MAD1L1: variants seen among roughly 807,000 people sequenced by gnomAD.
MAD1L1 encodes the protein mitotic arrest deficient 1 like 1.
MAD1L1 carries 95 observed loss-of-function variants against 96.9 expected under a neutral mutation model. The ratio of observed to expected loss-of-function variants is 0.98; its 90% CI spans 0.83 to 1.16. The LOEUF (loss-of-function observed/expected upper bound fraction) is 1.16, where lower values mean the gene tolerates loss of function less well. MAD1L1 is among the 50% of genes most tolerant of loss of function. The probability of loss-of-function intolerance (pLI) is 0.00; values close to 1 mark genes in which losing one functional copy is unlikely to be tolerated. For synonymous variants in MAD1L1, 473 were observed against 396.6 expected, an observed-to-expected ratio of 1.19 and a Z score of -2.29; for missense variants, 1,007 against 954.4, an observed-to-expected ratio of 1.06 and a Z score of -0.73.
intron 18 of MAD1L1, among the ~76,000 whole-genome samples, chr7:1,855,046 A>C (rs1408161421): frequency 6.6e-6 from 1 of 152,168 alleles, no homozygotes; most frequent in East Asian, 1.9e-4. Flanking sequence ...CCTCTGAAGA[A>C]GGCATCGGCG....
chr7:2,051,973 G>A (rs1369375621), intron 12 of MAD1L1, among the ~76,000 whole-genome samples: 1 of 152,152 alleles, frequency 6.6e-6, no homozygotes, highest in East Asian at 1.9e-4. Flanking sequence ...CCTCTGGGAA[G>A]CGTGTTGGGA....
intron 10 of MAD1L1, chr7:2,201,884 C>G (rs1337491524): frequency 1.3e-5 from 2 of 152,328 alleles, no homozygotes; most frequent in Non-Finnish European, 2.9e-5. Flanking sequence ...GTGAGCCTGT[C>G]AGCACTGCTG....
intron 10 of MAD1L1, among the ~76,000 whole-genome samples, chr7:2,184,208 C>T (rs1208105203): frequency 6.6e-6 from 1 of 151,810 alleles, no homozygotes; most frequent in African/African-American, 2.4e-5. Context: ...GTGGAGATCG[C>T]GCCACTGCAC....
intron 12 of MAD1L1, among the ~76,000 whole-genome samples, chr7:2,063,894 AG>A (rs1784768724): frequency 6.6e-6 from 1 of 152,194 alleles, no homozygotes; most frequent in Non-Finnish European, 1.5e-5. Context: ...AATCCTGCAG[AG>A]GAGAAGAGAC....
At chr7:2,207,601 C>T (rs1413209823) in intron 10 of MAD1L1, among the ~76,000 whole-genome samples, 2 of 152,196 alleles carry the variant, frequency 1.3e-5, no homozygotes, top group Non-Finnish European at 2.9e-5. Flanking sequence ...GGAAGCTCCG[C>T]GCCTCTCCTC....
chr7:2,202,942 G>A (rs1792392529), intron 10 of MAD1L1, among the ~76,000 whole-genome samples: 1 of 152,214 alleles, frequency 6.6e-6, no homozygotes, highest in Admixed American at 6.5e-5. Context: ...GGTCAGCACT[G>A]ACAGGTGCCC....
chr7:2,037,490 G>C (rs1783492255), intron 12 of MAD1L1, among the ~76,000 whole-genome samples: 1 of 152,346 alleles, frequency 6.6e-6, no homozygotes, highest in East Asian at 1.9e-4. Flanking sequence ...GTCACATCTG[G>C]TAATCCTCAT....
intron 18 of MAD1L1, among the ~76,000 whole-genome samples, chr7:1,857,884 C>T (rs1784336008): frequency 6.6e-6 from 1 of 152,174 alleles, no homozygotes; most frequent in South Asian, 2.1e-4. Flanking sequence ...AGGCTGGGGG[C>T]CCAGGGAGGC....
intron 11 of MAD1L1, among the ~76,000 whole-genome samples, chr7:2,139,288 C>T (rs1006869360): frequency 6.6e-6 from 1 of 152,198 alleles, no homozygotes; most frequent in Non-Finnish European, 1.5e-5. Flanking sequence ...GCACCCTCCC[C>T]GCACCCCCAC....
At chr7:1,886,899 G>A (rs897218736) in intron 18 of MAD1L1, among the ~76,000 whole-genome samples, 7 of 152,280 alleles carry the variant, frequency 4.6e-5, no homozygotes, top group Non-Finnish European at 2.9e-5. Flanking sequence ...GTGTGCAGCC[G>A]GACTCCAGAA....
chr7:1,945,613 C>T (rs538217179), intron 16 of MAD1L1, among the ~76,000 whole-genome samples: 4 of 152,334 alleles, frequency 2.6e-5, no homozygotes, highest in South Asian at 2.1e-4. Flanking sequence ...GTGAGGGCAG[C>T]GGCCATCTGC....
intron 17 of MAD1L1, among the ~76,000 whole-genome samples, chr7:1,904,073 ATG>A (rs1787454292): frequency 8.1e-6 from 1 of 123,542 alleles, no homozygotes; most frequent in Admixed American, 8.8e-5. Flanking sequence ...GGCAGCGAGG[ATG>A]CAGTGGCCTA....
At chr7:1,980,338 C>T (rs1236182540) in intron 15 of MAD1L1, 115 bp downstream of exon 15, 2 of 825,332 alleles carry the variant, frequency 2.4e-6, no homozygotes, top group East Asian at 3.1e-5. Flanking sequence ...CCTCCTCCCC[C>T]ACAGGACACA....
intron 17 of MAD1L1, among the ~76,000 whole-genome samples, chr7:1,909,109 T>C (rs1162595028): frequency 6.6e-6 from 1 of 152,166 alleles, no homozygotes; most frequent in Non-Finnish European, 1.5e-5. Context: ...GACCAGCCTC[T>C]GAAGGAGCCC....
chr7:2,050,360 C>T (rs1273428912), intron 12 of MAD1L1, among the ~76,000 whole-genome samples: 1 of 152,236 alleles, frequency 6.6e-6, no homozygotes, highest in African/African-American at 2.4e-5. Flanking sequence ...ATCCCCTAGC[C>T]AGTGCCTCAG....
intron 11 of MAD1L1, among the ~76,000 whole-genome samples, chr7:2,144,649 G>A (rs1213802967): frequency 1.3e-5 from 2 of 152,134 alleles, no homozygotes; most frequent in Admixed American, 6.5e-5. Flanking sequence ...GGGGTGCTTG[G>A]GTCCCTAAGG....
At chr7:1,896,618 C>T (rs763783336) in intron 18 of MAD1L1, among the ~76,000 whole-genome samples, 7 of 152,210 alleles carry the variant, frequency 4.6e-5, no homozygotes, top group Non-Finnish European at 8.8e-5. Context: ...GGAAACACGG[C>T]GAAGCAGGAC....
chr7:1,886,182 T>A (rs555240174), intron 18 of MAD1L1, among the ~76,000 whole-genome samples: 1 of 152,356 alleles, frequency 6.6e-6, no homozygotes, highest in Admixed American at 6.5e-5. Flanking sequence ...GGGCCTGGAA[T>A]GGCACAGGGC....
chr7:2,077,242 C>T (rs3778943), intron 11 of MAD1L1, among the ~76,000 whole-genome samples: 12,287 of 152,308 alleles, frequency 0.081, 595 homozygotes, highest in African/African-American at 0.13. Context: ...TAGGAAAATA[C>T]TAATAAAATT....
Sources: allele counts gnomAD v4.1 joint callset (sites outside exome capture counted in the v4.1 genomes callset), GRCh38; gene constraint gnomAD v4.1.1; transcripts MANE v1.5; gene names NCBI Gene and HGNC (gene_info 2026-07-23, HGNC 2026-07-21).